PCDHA5: variants seen among roughly 807,000 people sequenced by gnomAD.
The protein encoded by PCDHA5 is protocadherin alpha 5, also known as protocadherin alpha-5.
In PCDHA5, 43 loss-of-function variants were observed where a neutral mutation model predicts 61.6. That is an observed-to-expected ratio of 0.70 (90% CI 0.55 to 0.90). The LOEUF (loss-of-function observed/expected upper bound fraction) is 0.90, where lower values mean the gene tolerates loss of function less well. Ranked by LOEUF, PCDHA5 falls within the 40% of genes least tolerant of loss-of-function variation. The probability of loss-of-function intolerance (pLI) is 0.00; values close to 1 mark genes in which losing one functional copy is unlikely to be tolerated. For synonymous variants in PCDHA5, 627 were observed against 543.9 expected (o/e 1.15, Z -2.13); for missense variants, 1,298 against 1,222.7 (o/e 1.06, Z -0.92).
intron 1 of PCDHA5, chr5:140,884,453 G>A (rs2060182161): frequency 2.5e-6 from 4 of 1,613,658 alleles, no homozygotes; most frequent in Admixed American, 1.7e-5. Flanking sequence ...ACCGCCCACC[G>A]AGGGCGCGTG....
chr5:140,869,183 G>A, intron 1 of PCDHA5: 1 of 1,613,958 alleles, frequency 6.2e-7, no homozygotes, highest in Non-Finnish European at 8.5e-7. Flanking sequence ...TGGGAGGTGG[G>A]GAGCGGCCAG....
chr5:140,964,099 C>T (rs2095809950), intron 1 of PCDHA5, among the ~76,000 whole-genome samples: 1 of 152,142 alleles, frequency 6.6e-6, no homozygotes, highest in South Asian at 2.1e-4. Flanking sequence ...TAATTAACAA[C>T]AGTCTGAGCA....
intron 3 of PCDHA5, among the ~76,000 whole-genome samples, chr5:141,001,941 A>G (rs565358428): frequency 6.6e-6 from 1 of 151,874 alleles, no homozygotes; most frequent in Admixed American, 6.5e-5. Context: ...GTGAGCGGAA[A>G]TAAGGAGGAG....
chr5:140,901,020 C>G (rs528406801), intron 1 of PCDHA5, among the ~76,000 whole-genome samples: 2 of 152,262 alleles, frequency 1.3e-5, no homozygotes, highest in African/African-American at 4.8e-5. Flanking sequence ...TGAGAAACAT[C>G]TATTCAACTC....
rs782166134 is a variant in PCDHA5 at position 140,929,299 on chromosome 5, G to C, written c.2353-49650G>C. Reference sequence around the variant, plus strand: ...CTGTATTCAGATTCGGAATAGGAAAGGGGATCACGCTAATGTCAATGCCAT... The same window carrying C: ...CTGTATTCAGATTCGGAATAGGAAACGGGATCACGCTAATGTCAATGCCAT... On this transcript the variant is annotated intron_variant, in intron 1 of 3. Coordinates refer to ENST00000529859, the MANE Select transcript of PCDHA5 (RefSeq NM_018908.3). 1.2e-5 allele frequency: 19 copies of C among 1,590,714 alleles called. No individual in the cohort carries two copies. The highest frequency in any genetic ancestry group is 1.6e-5 in the Non-Finnish European group (19 of 1,164,870).
chr5:140,862,382 G>T, intron 1 of PCDHA5: 1 of 345,046 alleles, frequency 2.9e-6, no homozygotes, highest in South Asian at 2.3e-5. Flanking sequence ...GACTCCTCAC[G>T]TCTCTTCAAG....
Position 140,895,072 on chromosome 5 carries a change from A to C in PCDHA5, c.2352+70945A>C, listed in dbSNP as rs974661383. On this transcript the variant is annotated intron_variant, in intron 1 of 3. Coordinates refer to ENST00000529859, the MANE Select transcript of PCDHA5 (RefSeq NM_018908.3). ...TCTGCTTCATATGGACTCAATTCCT[A>C]TCAGTTCCTCCTCAGTATAGGGGTT... 2.6e-5 allele frequency among the ~76,000 whole-genome samples: 4 copies of C among 152,208 alleles called. No homozygotes were observed. In the South Asian group the frequency reaches 6.2e-4, roughly 24 times the overall value.
intron 3 of PCDHA5, 116 bp downstream of exon 3, chr5:140,982,679 C>T: frequency 7.0e-7 from 1 of 1,436,546 alleles, no homozygotes; most frequent in Non-Finnish European, 9.2e-7. Flanking sequence ...TTGTTATTCC[C>T]TTTTTTCCAT....
chr5:140,878,622 T>A (rs1163171601), intron 1 of PCDHA5, among the ~76,000 whole-genome samples: 1 of 152,244 alleles, frequency 6.6e-6, no homozygotes, highest in African/African-American at 2.4e-5. Flanking sequence ...GCATTTTACA[T>A]ATTTTAACTT....
At chr5:140,878,859 C>T (rs2057755620) in intron 1 of PCDHA5, among the ~76,000 whole-genome samples, 1 of 152,188 alleles carries the variant, frequency 6.6e-6, no homozygotes, top group African/African-American at 2.4e-5. Flanking sequence ...TTCAACTGAT[C>T]CTCCATTTCA....
intron 1 of PCDHA5, chr5:140,859,682 A>G (rs2045965984): frequency 6.5e-6 from 1 of 154,852 alleles, no homozygotes; most frequent in Admixed American, 6.4e-5. Context: ...AAATAAAATT[A>G]AAATTATTGT....
intron 1 of PCDHA5, chr5:140,877,376 G>A: frequency 6.2e-7 from 1 of 1,614,014 alleles, no homozygotes; most frequent in Non-Finnish European, 8.5e-7. Context: ...AGCACGACAC[G>A]CATCCTGGAT....
chr5:140,926,325 T>C (rs1441503834), intron 1 of PCDHA5: 1 of 151,866 alleles, frequency 6.6e-6, no homozygotes, highest in African/African-American at 2.4e-5. Flanking sequence ...TGCGCCGGGG[T>C]CAGAGCGCCG....
chr5:140,939,028 C>T (rs1231920381), intron 1 of PCDHA5, among the ~76,000 whole-genome samples: 6 of 152,098 alleles, frequency 3.9e-5, no homozygotes, highest in East Asian at 1.9e-4. Context: ...TTTACTTATT[C>T]GGAAGAGTTG....
intron 1 of PCDHA5, chr5:140,856,875 T>A: frequency 1.9e-6 from 3 of 1,595,778 alleles, no homozygotes; most frequent in Non-Finnish European, 2.6e-6. Context: ...AACAAGGAAA[T>A]GATGTATTCA....
At chr5:140,974,320 CT>C (rs2096622624) in intron 1 of PCDHA5, among the ~76,000 whole-genome samples, 1 of 152,206 alleles carries the variant, frequency 6.6e-6, no homozygotes, top group Non-Finnish European at 1.5e-5. Context: ...GAGAGAGTAG[CT>C]GCTGTGCTAG....
intron 1 of PCDHA5, chr5:140,929,420 C>A: frequency 6.7e-7 from 1 of 1,502,700 alleles, no homozygotes; most frequent in Non-Finnish European, 8.9e-7. Context: ...CACAACATTT[C>A]ATCAATTGAA....
intron 1 of PCDHA5, among the ~76,000 whole-genome samples, chr5:140,899,817 T>C (rs1360189018): frequency 6.6e-6 from 1 of 152,178 alleles, no homozygotes; most frequent in East Asian, 1.9e-4. Flanking sequence ...TTGTTTTGTT[T>C]TTCCTTTTTG....
chr5:140,982,917 C>T (rs2097016226), intron 3 of PCDHA5, among the ~76,000 whole-genome samples: 1 of 151,626 alleles, frequency 6.6e-6, no homozygotes, highest in Non-Finnish European at 1.5e-5. Context: ...ACAGAGATGA[C>T]ACTGTTAACA....
Sources: gnomAD v4.1 joint callset for allele counts (sites outside exome capture counted in the v4.1 genomes callset) on GRCh38, gnomAD v4.1.1 for gene constraint, MANE v1.5 for transcripts, NCBI Gene and HGNC (gene_info 2026-07-23, HGNC 2026-07-21) for gene names.